RTN4R: variants seen among roughly 807,000 people sequenced by gnomAD.
RTN4R encodes reticulon 4 receptor.
RTN4R carries 4 observed loss-of-function variants against 27.7 expected under a neutral mutation model. The ratio of observed to expected loss-of-function variants is 0.14; its 90% confidence interval spans 0.07 to 0.33. The LOEUF is 0.33. Ranked by LOEUF, RTN4R falls within the 10% of genes least tolerant of loss-of-function variation. The pLI is 1.00. For synonymous variants in RTN4R, 290 were observed against 305.6 expected (o/e 0.95, Z 0.53); for missense variants, 554 against 671.5 (o/e 0.83, Z 1.93).
In RTN4R at chr22:20,241,856, C is replaced by G. The variant is rs769256443; in HGVS notation, c.1277G>C (p.Arg426Pro). The change falls in exon 2 of 2, where the codon CGC becomes CCC. Residue 426 changes from arginine (R) to proline (P), a missense_variant. Around this residue, in one of 2 missense-constraint regions of RTN4R, gnomAD observed 141 missense variants for 129.2 expected, o/e 1.09. Coordinates refer to ENST00000043402, the MANE Select transcript of RTN4R (RefSeq NM_023004.6). ...RPGCSRKNRTRSHCRLGQAGS... is the reference protein window; with the variant it reads ...RPGCSRKNRTPSHCRLGQAGS... ...TGCCTGGCCCAGACGGCAGTGGCTG[C>G]GGGTGCGGTTCTTGCGTGAACAGCC... is the stretch of plus-strand genomic sequence containing the variant. 1 of 1,609,288 alleles carries G rather than the reference C, an allele frequency of 6.2e-7. No individual in the cohort carries two copies. Among genetic ancestry groups the G allele is most frequent in the Admixed American group, 1.7e-5 (1 of 59,772 alleles).
At chr22:20,259,575 A>C (rs2056935020) in intron 1 of RTN4R, among the ~76,000 whole-genome samples, 1 of 152,004 alleles carries the variant, frequency 6.6e-6, no homozygotes, top group Non-Finnish European at 1.5e-5. Flanking sequence ...CTCTGGACCC[A>C]CAAGTTCTTC....
chr22:20,245,387 G>C (rs2145973865), intron 1 of RTN4R, among the ~76,000 whole-genome samples: 1 of 152,350 alleles, frequency 6.6e-6, no homozygotes, highest in South Asian at 2.1e-4. Context: ...CCCCTCTGCT[G>C]AGCGAGCAGG....
rs2051105410 is a variant in RTN4R at position 20,241,548 on chromosome 22, A to G, written c.*163T>C. 2.8e-6 allele frequency: 2 copies of G among 713,448 alleles called. No homozygotes were observed. Among genetic ancestry groups the G allele is most frequent in the East Asian group, 2.7e-5 (1 of 36,420 alleles). 44.2% of individuals were successfully genotyped at this position (713,448 alleles called of 1,614,324 possible). A position where few individuals can be genotyped will look rare whatever the true frequency, so the allele number is the denominator to read the frequency against. ...AACGCTGCCGCCGAACCCTGTAAAC[A>G]TGATGGGGTGGAGATGGGGGTGGCG... On this transcript the variant is annotated 3_prime_UTR_variant, in exon 2 of 2. Coordinates refer to ENST00000043402, the MANE Select transcript of RTN4R (RefSeq NM_023004.6).
intron 1 of RTN4R, among the ~76,000 whole-genome samples, chr22:20,258,533 C>T (rs1048272513): frequency 6.6e-6 from 1 of 152,236 alleles, no homozygotes; most frequent in African/African-American, 2.4e-5. Flanking sequence ...GGGTCTCAAC[C>T]TCACCCTGGG....
Position 20,242,891 on chromosome 22 carries a change from C to T in RTN4R, c.242G>A (p.Arg81His), listed in dbSNP as rs745997652. 49 of 1,611,884 alleles carry T rather than the reference C, an allele frequency of 3.0e-5. No individual in the cohort carries two copies. The highest frequency in any genetic ancestry group is 1.7e-4 in the African/African-American group (13 of 74,738). The change falls in exon 2 of 2, where the codon CGC becomes CAC. Residue 81 changes from arginine (R) to histidine (H), a missense_variant. By Grantham distance (29) the Arg-to-His change is conservative. Coordinates refer to ENST00000043402, the MANE Select transcript of RTN4R (RefSeq NM_023004.6). ...GTGCAGCCACAGGATGGTGAGGTTG[C>T]GGCAGGCACGGAAGCTGGCAGCTGG... ...HVPAASFRAC[R>H]NLTILWLHSN...
chr22:20,241,566 G>A lies in RTN4R; in HGVS notation c.*145C>T, dbSNP rs2051105508. On this transcript the variant is annotated 3_prime_UTR_variant, in exon 2 of 2. Transcript: ENST00000043402. ...TGTAAACATGATGGGGTGGAGATGG[G>A]GGTGGCGGGCGGCAGGCGTCCATCA... 4 of 804,662 alleles carry A rather than the reference G, an allele frequency of 5.0e-6. No individual in the cohort carries two copies. The South Asian group carries it at 5.2e-5, about 10-fold the overall frequency. The allele number at this position is 804,662 out of a possible 1,614,324, so 49.8% of individuals were successfully genotyped here.
chr22:20,241,766 C>T lies in RTN4R; in HGVS notation c.1367G>A (p.Ser456Asn), dbSNP rs775920128. ...GSGALPSLTCSLTPLGLALVL... is the reference protein window; with the variant it reads ...GSGALPSLTCNLTPLGLALVL... ...CAGCGCCAGGCCCAGGGGGGTGAGGCTGCAGGTGAGGCTGGGTAGGGCACC... is the reference window on the plus strand; with the variant it reads ...CAGCGCCAGGCCCAGGGGGGTGAGGTTGCAGGTGAGGCTGGGTAGGGCACC... Residue 456 changes from serine to asparagine, a missense_variant, in exon 2 of 2, where the codon AGC (serine) becomes AAC (asparagine). Ser to Asn is a conservative substitution (Grantham distance 46). Around this residue, in one of 2 missense-constraint regions of RTN4R, gnomAD observed 141 missense variants for 129.2 expected, o/e 1.09. Coordinates refer to ENST00000043402, the MANE Select transcript of RTN4R (RefSeq NM_023004.6). 6.4e-7 allele frequency: 1 copy of T among 1,554,192 alleles called. No individual in the cohort carries two copies. The highest frequency in any genetic ancestry group is 1.2e-5 in the South Asian group (1 of 84,588).
At chr22:20,264,678 C>A (rs1309238661) in intron 1 of RTN4R, among the ~76,000 whole-genome samples, 1 of 152,226 alleles carries the variant, frequency 6.6e-6, no homozygotes, top group Non-Finnish European at 1.5e-5. Context: ...TGCAGCCAGA[C>A]CGCAGAGCAG....
chr22:20,249,605 C>T (rs1447820651), intron 1 of RTN4R, among the ~76,000 whole-genome samples: 1 of 152,184 alleles, frequency 6.6e-6, no homozygotes, highest in Non-Finnish European at 1.5e-5. Flanking sequence ...CGGAAACACA[C>T]AATAAGAGCC....
chr22:20,253,578 G>C (rs2051196341), intron 1 of RTN4R, among the ~76,000 whole-genome samples: 1 of 152,190 alleles, frequency 6.6e-6, no homozygotes, highest in African/African-American at 2.4e-5. Context: ...CATCTCAGCA[G>C]AGCAGCCAAC....
At chr22:20,254,213 G>A (rs1888789242) in intron 1 of RTN4R, among the ~76,000 whole-genome samples, 1 of 152,004 alleles carries the variant, frequency 6.6e-6, no homozygotes, top group African/African-American at 2.4e-5. Flanking sequence ...AGGACTGCTT[G>A]AGGCCAGGAG....
At chr22:20,256,822 C>CT (rs1411758601) in intron 1 of RTN4R, among the ~76,000 whole-genome samples, 1 of 152,226 alleles carries the variant, frequency 6.6e-6, no homozygotes, top group Non-Finnish European at 1.5e-5. Context: ...TGCTTCTTGG[C>CT]TGGGTTTCTC....
intron 1 of RTN4R, among the ~76,000 whole-genome samples, chr22:20,250,608 T>G (rs1271770604): frequency 6.6e-6 from 1 of 152,188 alleles, no homozygotes; most frequent in Non-Finnish European, 1.5e-5. Flanking sequence ...GGCTCAGCTC[T>G]GTGGAGACCT....
intron 1 of RTN4R, among the ~76,000 whole-genome samples, chr22:20,257,692 T>C (rs1472462180): frequency 6.6e-6 from 1 of 152,260 alleles, no homozygotes; most frequent in African/African-American, 2.4e-5. Flanking sequence ...TCTTAAAACT[T>C]TGGTGTATTT....
chr22:20,267,075 G>T (rs190321563), intron 1 of RTN4R, among the ~76,000 whole-genome samples: 3 of 152,248 alleles, frequency 2.0e-5, no homozygotes, highest in African/African-American at 7.2e-5. Flanking sequence ...GGCATGCCGC[G>T]TGCATGCATG....
At chr22:20,259,721 A>G (rs1219334708) in intron 1 of RTN4R, among the ~76,000 whole-genome samples, 1 of 152,080 alleles carries the variant, frequency 6.6e-6, no homozygotes, top group Middle Eastern at 3.2e-3. Context: ...CCTCTTCCAG[A>G]CCTGGGGCCA....
chr22:20,267,506 C>G (rs2051284962), intron 1 of RTN4R: 3 of 421,772 alleles, frequency 7.1e-6, no homozygotes, highest in Non-Finnish European at 1.5e-5. Context: ...GCGGGCGTTG[C>G]TGCCTCCTCT....
intron 1 of RTN4R, 156 bp from the exon 2 acceptor site, chr22:20,243,266 G>A: frequency 1.4e-6 from 1 of 723,490 alleles, no homozygotes; most frequent in Admixed American, 2.2e-5. Flanking sequence ...CGCAGTGTTG[G>A]GATCCCTGCT....
intron 1 of RTN4R, among the ~76,000 whole-genome samples, chr22:20,265,211 C>T (rs1419127624): frequency 2.0e-5 from 3 of 152,192 alleles, no homozygotes; most frequent in Non-Finnish European, 4.4e-5. Flanking sequence ...GGCAATGCTA[C>T]AAGGCTGCAC....
Sources: gnomAD v4.1 joint callset for allele counts (sites outside exome capture counted in the v4.1 genomes callset) on GRCh38, gnomAD v4.1.1 for gene constraint, gnomAD v4.1.1 regional missense constraint, MANE v1.5 for transcripts, NCBI Gene and HGNC (gene_info 2026-07-23, HGNC 2026-07-21) for gene names.